Variants in DYNLRB1 observed in about 807,000 individuals in gnomAD.
The protein encoded by DYNLRB1 is ROBL/LC7-like 1.
In DYNLRB1, 6 loss-of-function variants were observed where a neutral mutation model predicts 13.5. The ratio of observed to expected loss-of-function variants is 0.44; its 90% CI spans 0.24 to 0.88. The LOEUF (loss-of-function observed/expected upper bound fraction) is 0.88, where lower values mean the gene tolerates loss of function less well. DYNLRB1 is among the 40% of genes least tolerant of loss of function. DYNLRB1 has a pLI of 0.21. For missense variants in DYNLRB1, 93 were observed against 127.2 expected (o/e 0.73, Z 1.29); for synonymous variants, 43 against 45.0 (o/e 0.96, Z 0.18).
At chr20:34,528,625 C>T (rs1207356807) in intron 2 of DYNLRB1, among the ~76,000 whole-genome samples, 1 of 152,122 alleles carries the variant, frequency 6.6e-6, no homozygotes, top group African/African-American at 2.4e-5. Context: ...AAGGAAAAAA[C>T]CTGAAATTTT....
chr20:34,524,391 A>G (rs994371878), intron 1 of DYNLRB1, among the ~76,000 whole-genome samples: 1 of 152,214 alleles, frequency 6.6e-6, no homozygotes, highest in African/African-American at 2.4e-5. Flanking sequence ...TCCATAATCT[A>G]CTTGGCCTTT....
chr20:34,526,152 G>T, intron 1 of DYNLRB1, 116 bp from the exon 2 acceptor site: 1 of 1,102,712 alleles, frequency 9.1e-7, no homozygotes, highest in Non-Finnish European at 1.4e-6. Flanking sequence ...TGTGCCAGGT[G>T]CCTGAGTATT....
At chr20:34,517,711 C>T (rs1375631378) in intron 1 of DYNLRB1, among the ~76,000 whole-genome samples, 17 of 151,414 alleles carry the variant, frequency 1.1e-4, no homozygotes, top group Admixed American at 1.1e-3. Flanking sequence ...TCACTGCCAC[C>T]TCCGCCTCCC....
At chr20:34,521,248 G>A (rs1979687052) in intron 1 of DYNLRB1, among the ~76,000 whole-genome samples, 1 of 152,200 alleles carries the variant, frequency 6.6e-6, no homozygotes, top group African/African-American at 2.4e-5. Flanking sequence ...CTGACCTCAA[G>A]TGATTCACCC....
At chr20:34,518,875 T>G (rs1979485301) in intron 1 of DYNLRB1, among the ~76,000 whole-genome samples, 1 of 152,094 alleles carries the variant, frequency 6.6e-6, no homozygotes, top group African/African-American at 2.4e-5. Flanking sequence ...CAATGCAAAT[T>G]TAGATGCCTA....
chr20:34,525,195 C>A (rs995192284), intron 1 of DYNLRB1, among the ~76,000 whole-genome samples: 4 of 148,716 alleles, frequency 2.7e-5, no homozygotes, highest in Admixed American at 6.7e-5. Flanking sequence ...CCCCCCATTT[C>A]TTTTGGTGAA....
intron 3 of DYNLRB1, among the ~76,000 whole-genome samples, chr20:34,537,432 A>G (rs181937827): frequency 1.0e-3 from 155 of 152,234 alleles, no homozygotes; most frequent in African/African-American, 3.6e-3. Flanking sequence ...GCAAATATCC[A>G]TTGATTAAAT....
intron 1 of DYNLRB1, among the ~76,000 whole-genome samples, chr20:34,518,766 T>C (rs568428684): frequency 4.6e-5 from 7 of 152,184 alleles, no homozygotes; most frequent in Non-Finnish European, 1.0e-4. Context: ...TAGTTTCTTA[T>C]GCATCTATAC....
chr20:34,532,257 A>T (rs1372116748), intron 2 of DYNLRB1, among the ~76,000 whole-genome samples: 2 of 152,246 alleles, frequency 1.3e-5, no homozygotes, highest in Non-Finnish European at 2.9e-5. Flanking sequence ...AGCAGTATTC[A>T]GCCCGCCCAG....
chr20:34,522,237 G>A (rs6088515), intron 1 of DYNLRB1, among the ~76,000 whole-genome samples: 127,781 of 151,902 alleles, frequency 0.84, 53,975 homozygotes, highest in Admixed American at 0.89. Context: ...TTGACCTGCA[G>A]TGTGTTCTTG....
chr20:34,528,026 TAGCCGGCCGGGCGCGGTGGC>T (rs1980369035), intron 2 of DYNLRB1, among the ~76,000 whole-genome samples: 1 of 134,820 alleles, frequency 7.4e-6, no homozygotes, highest in Admixed American at 7.1e-5. Context: ...CCTACTGGAG[TAGCCGGCCGGGCGCGGTGGC>T]TCACGCCTGT....
At chr20:34,522,473 T>C (rs1367373281) in intron 1 of DYNLRB1, among the ~76,000 whole-genome samples, 13 of 128,254 alleles carry the variant, frequency 1.0e-4, no homozygotes, top group South Asian at 5.2e-4. Flanking sequence ...CTTTTTCTTT[T>C]TTTTTTTTTT....
At position 34,535,658 on chromosome 20, in the gene DYNLRB1, G is replaced by A. The variant is rs573248467; in HGVS notation, c.247+863G>A. 61 of 985,166 alleles carry A rather than the reference G, an allele frequency of 6.2e-5. No homozygotes were observed. The African/African-American group carries it at 8.5e-4, about 14-fold the overall frequency. The allele number at this position is 985,166 out of a possible 1,614,324, so 61.0% of individuals were successfully genotyped here. A position where few individuals can be genotyped will look rare whatever the true frequency, so the allele number is the denominator to read the frequency against. On this transcript the variant is annotated intron_variant, in intron 3 of 3. Transcript: ENST00000357156. ...GGCTGAGCCACATAGTTGAGTGTGC[G>A]TGCGTCACGTATGCGCGTGATGGTG...
chr20:34,526,807 G>A (rs932854753), intron 2 of DYNLRB1, among the ~76,000 whole-genome samples: 2 of 152,156 alleles, frequency 1.3e-5, no homozygotes, highest in African/African-American at 2.4e-5. Flanking sequence ...TAAGTGCCAC[G>A]ACAATGTTCA....
rs765969854 is a variant in DYNLRB1 at position 34,540,652 on chromosome 20, C to A, written c.*28C>A. On this transcript the variant is annotated 3_prime_UTR_variant, in exon 4 of 4. Transcript: ENST00000357156. ...CACTCTCTTGGCTCCCTGTGTCATT[C>A]CTTAATTTAATGCCCCCCAAGAATG... 1 of 1,610,474 alleles carries A rather than the reference C, an allele frequency of 6.2e-7. No homozygotes were observed. The highest frequency in any genetic ancestry group is 8.5e-7 in the Non-Finnish European group (1 of 1,177,498).
Position 34,526,231 on chromosome 20 carries a change from A to T in DYNLRB1, c.4-37A>T. 1.9e-6 allele frequency: 3 copies of T among 1,611,470 alleles called. No individual in the cohort carries two copies. The South Asian group carries it at 3.3e-5, about 18-fold the overall frequency. ...GGGTATGAGGAAGTTAATCCTGCCT[A>T]TCGGCCTCTCCTAACCTTGGTCTTG... On this transcript the variant is annotated intron_variant, in intron 1 of 3. Coordinates refer to ENST00000357156, the MANE Select transcript of DYNLRB1 (RefSeq NM_014183.4).
intron 1 of DYNLRB1, among the ~76,000 whole-genome samples, chr20:34,522,732 C>T (rs1462390962): frequency 2.0e-5 from 3 of 152,050 alleles, no homozygotes; most frequent in Non-Finnish European, 2.9e-5. Flanking sequence ...CTTTGGTCCC[C>T]CAAAGTGCTG....
chr20:34,530,331 TACTTA>T (rs764176213), intron 2 of DYNLRB1: 68 of 960,464 alleles, frequency 7.1e-5, no homozygotes, highest in Non-Finnish European at 8.3e-5. Context: ...ATCTGGGCCC[TACTTA>T]ACTTATCAGC....
chr20:34,537,492 T>C (rs889414545), intron 3 of DYNLRB1, among the ~76,000 whole-genome samples: 9 of 152,128 alleles, frequency 5.9e-5, no homozygotes, highest in South Asian at 4.1e-4. Flanking sequence ...CCCACTGATA[T>C]GGGTCAGAAG....
Sources: gnomAD v4.1 joint callset for allele counts (sites outside exome capture counted in the v4.1 genomes callset) on GRCh38, gnomAD v4.1.1 for gene constraint, MANE v1.5 for transcripts, NCBI Gene and HGNC (gene_info 2026-07-23, HGNC 2026-07-21) for gene names.